LGSN: variants seen among roughly 807,000 people sequenced by gnomAD.
LGSN encodes the protein lengsin, lens protein with glutamine synthetase domain.
Under a neutral mutation model 19.5 loss-of-function variants are expected in LGSN, and 21 were observed. The observed-to-expected ratio is 1.07, with a 90% CI of 0.76 to 1.55. LGSN has a LOEUF of 1.55. Ranked by LOEUF, LGSN falls within the 40% of genes most tolerant of loss-of-function variation. The pLI is 0.00. For missense variants in LGSN, 673 were observed against 608.5 expected (o/e 1.11, Z -1.12); for synonymous variants, 257 against 215.6 (o/e 1.19, Z -1.68).
At chr6:63,529,177 G>GTA in the LGSN span, among the ~76,000 whole-genome samples, 1 of 142,300 alleles carries the variant, frequency 7.0e-6, no homozygotes, top group African/African-American at 2.6e-5. Context: ...ATATATATAT[G>GTA]TATATATATG....
At chr6:63,411,121 C>T in the LGSN span, among the ~76,000 whole-genome samples, 1 of 152,310 alleles carries the variant, frequency 6.6e-6, no homozygotes, top group East Asian at 1.9e-4. Flanking sequence ...CTCCAAGGGC[C>T]TCTTCCTAAA....
the LGSN span, among the ~76,000 whole-genome samples, chr6:63,391,995 A>G: frequency 3.3e-5 from 5 of 152,344 alleles, no homozygotes; most frequent in Admixed American, 6.5e-5. Context: ...CAAAACAACA[A>G]CACTGGTTTC....
At chr6:63,459,700 G>A in the LGSN span, among the ~76,000 whole-genome samples, 1 of 152,154 alleles carries the variant, frequency 6.6e-6, no homozygotes, top group Non-Finnish European at 1.5e-5. Context: ...GATCACTGGA[G>A]GTCAGGAGTT....
At chr6:63,419,310 G>A in the LGSN span, among the ~76,000 whole-genome samples, 2 of 152,102 alleles carry the variant, frequency 1.3e-5, no homozygotes, top group Admixed American at 1.3e-4. Context: ...TAAGGCGTCT[G>A]GTTGCAGCCA....
the LGSN span, among the ~76,000 whole-genome samples, chr6:63,419,471 T>C: frequency 6.6e-6 from 1 of 151,872 alleles, no homozygotes; most frequent in Non-Finnish European, 1.5e-5. Context: ...GAGCCAAGGG[T>C]TCAATCCTCC....
chr6:63,295,571 C>A (rs1178076997), intron 1 of LGSN, among the ~76,000 whole-genome samples: 1 of 152,092 alleles, frequency 6.6e-6, no homozygotes, highest in Non-Finnish European at 1.5e-5. Context: ...TACTTGAATT[C>A]ATAAAGTGCT....
chr6:63,443,284 C>T, the LGSN span, among the ~76,000 whole-genome samples: 11 of 152,326 alleles, frequency 7.2e-5, no homozygotes, highest in South Asian at 1.0e-3. Flanking sequence ...GGTGCTGGCC[C>T]GCGAGCACGC....
At chr6:63,428,889 A>AG in the LGSN span, among the ~76,000 whole-genome samples, 1 of 152,214 alleles carries the variant, frequency 6.6e-6, no homozygotes. Context: ...TTGTTCATTA[A>AG]GAAAATTATA....
chr6:63,297,413 A>T (rs966394096), intron 1 of LGSN, among the ~76,000 whole-genome samples: 1 of 151,836 alleles, frequency 6.6e-6, no homozygotes, highest in Non-Finnish European at 1.5e-5. Flanking sequence ...TTTACTCCAT[A>T]AAAATGCTCA....
At chr6:63,344,429 C>A in the LGSN span, among the ~76,000 whole-genome samples, 2 of 152,118 alleles carry the variant, frequency 1.3e-5, no homozygotes, top group East Asian at 1.9e-4. Context: ...TGAAGCCTTT[C>A]TGAGGAGGTT....
chr6:63,412,402 A>AAG, the LGSN span, among the ~76,000 whole-genome samples: 36 of 133,298 alleles, frequency 2.7e-4, no homozygotes, highest in African/African-American at 1.0e-3. Context: ...AAAGAAGGAA[A>AAG]GAAAGAAAGA....
chr6:63,487,100 G>A, the LGSN span, among the ~76,000 whole-genome samples: 1 of 152,050 alleles, frequency 6.6e-6, no homozygotes, highest in African/African-American at 2.4e-5. Flanking sequence ...CTCCCAAAGT[G>A]CTGGGATTAC....
At chr6:63,412,645 GGGAAGGAAGGGAAGGAAA>G in the LGSN span, among the ~76,000 whole-genome samples, 12 of 129,122 alleles carry the variant, frequency 9.3e-5, no homozygotes, top group African/African-American at 3.6e-4. Flanking sequence ...AGGGAAGGAA[GGGAAGGAAGGGAAGGAAA>G]GGAAGGAAAG....
the LGSN span, among the ~76,000 whole-genome samples, chr6:63,370,591 G>A: frequency 2.3e-4 from 35 of 152,354 alleles, no homozygotes; most frequent in African/African-American, 7.7e-4. Context: ...GCTCACATGG[G>A]TCCTGCCTAC....
the LGSN span, among the ~76,000 whole-genome samples, chr6:63,337,913 T>C: frequency 6.6e-6 from 1 of 152,182 alleles, no homozygotes; most frequent in South Asian, 2.1e-4. Flanking sequence ...TGAGATGGAG[T>C]CTTGCTCTGT....
chr6:63,325,121 AAAG>A, the LGSN span, among the ~76,000 whole-genome samples: 1 of 150,756 alleles, frequency 6.6e-6, no homozygotes, highest in East Asian at 1.9e-4. Context: ...AAAAAAAAAA[AAAG>A]GAGAAAATTT....
At chr6:63,531,421 A>G in the LGSN span, among the ~76,000 whole-genome samples, 1 of 152,038 alleles carries the variant, frequency 6.6e-6, no homozygotes, top group East Asian at 1.9e-4. Flanking sequence ...ACAAATTATA[A>G]TTTTTAATGC....
the LGSN span, among the ~76,000 whole-genome samples, chr6:63,531,337 T>TG: frequency 6.6e-6 from 1 of 152,118 alleles, no homozygotes; most frequent in Non-Finnish European, 1.5e-5. Flanking sequence ...ATTTTCAGTC[T>TG]GGGGGTTCTC....
intron 2 of LGSN, among the ~76,000 whole-genome samples, chr6:63,294,483 T>A (rs556096943): frequency 1.3e-5 from 2 of 152,316 alleles, no homozygotes; most frequent in East Asian, 3.9e-4. Flanking sequence ...GTTGCCCAAA[T>A]TAACTTCTAG....
Sources: allele counts gnomAD v4.1 joint callset (sites outside exome capture counted in the v4.1 genomes callset), GRCh38; gene constraint gnomAD v4.1.1; transcripts MANE v1.5; gene names NCBI Gene and HGNC (gene_info 2026-07-23, HGNC 2026-07-21).